CD9: variants seen among roughly 807,000 people sequenced by gnomAD.
CD9 encodes the protein CD9 antigen.
In CD9, 10 loss-of-function variants were observed where a neutral mutation model predicts 31.4. That is an observed-to-expected ratio of 0.32 (90% CI 0.20 to 0.54). The LOEUF is 0.54. Ranked by LOEUF, CD9 falls within the 20% of genes least tolerant of loss-of-function variation. CD9 has a pLI of 0.94. For synonymous variants in CD9, 113 were observed against 114.1 expected, an observed-to-expected ratio of 0.99 and a Z score of 0.06; for missense variants, 259 against 300.1, an observed-to-expected ratio of 0.86 and a Z score of 1.01.
At chr12:6,234,187 T>C (rs1003573734) in intron 4 of CD9, among the ~76,000 whole-genome samples, 1 of 151,760 alleles carries the variant, frequency 6.6e-6, no homozygotes, top group Non-Finnish European at 1.5e-5. Context: ...ATGGCTGAGC[T>C]TGGGCTTACG....
intron 2 of CD9, among the ~76,000 whole-genome samples, chr12:6,229,901 A>C (rs1946422091): frequency 6.6e-6 from 1 of 152,044 alleles, no homozygotes; most frequent in South Asian, 2.1e-4. Flanking sequence ...TAATACCGTA[A>C]TCCTAGAGAA....
At chr12:6,211,408 G>A (rs1946192855) in intron 1 of CD9, among the ~76,000 whole-genome samples, 1 of 152,182 alleles carries the variant, frequency 6.6e-6, no homozygotes, top group South Asian at 2.1e-4. Flanking sequence ...GGGTTTGCAA[G>A]ATCCCATGTT....
intron 1 of CD9, among the ~76,000 whole-genome samples, chr12:6,213,033 C>CT (rs1283317489): frequency 6.6e-6 from 1 of 152,194 alleles, no homozygotes; most frequent in East Asian, 1.9e-4. Flanking sequence ...TTAAGCCTTA[C>CT]TTTCCTTATC....
chr12:6,211,545 G>A (rs1400370672), intron 1 of CD9, among the ~76,000 whole-genome samples: 2 of 152,198 alleles, frequency 1.3e-5, no homozygotes, highest in Non-Finnish European at 2.9e-5. Context: ...TCAGGGCCAC[G>A]CACGCACGTG....
Position 6,200,495 on chromosome 12 carries a change from T to A in CD9, c.-5T>A, listed in dbSNP as rs771118885. On this transcript the variant is annotated 5_prime_UTR_variant, in exon 1 of 8. Transcript: ENST00000009180. ...CGTTCGGCCCAGGCTAAGTTAGCCC[T>A]CACCATGCCGGTCAAAGGAGGCACC... 62 of 1,609,012 alleles carry A rather than the reference T, an allele frequency of 3.9e-5. No homozygotes were observed. The highest frequency in any genetic ancestry group is 4.8e-5 in the Non-Finnish European group (57 of 1,176,216).
intron 2 of CD9, among the ~76,000 whole-genome samples, chr12:6,231,409 C>T (rs911012882): frequency 1.3e-5 from 2 of 152,192 alleles, no homozygotes; most frequent in Non-Finnish European, 2.9e-5. Context: ...CTGGTGCTCT[C>T]GACATGTGAC....
intron 1 of CD9, among the ~76,000 whole-genome samples, chr12:6,211,784 G>A (rs1946196621): frequency 6.6e-6 from 1 of 152,190 alleles, no homozygotes; most frequent in African/African-American, 2.4e-5. Flanking sequence ...TTTATGGGCT[G>A]GCCAGTGTAT....
chr12:6,225,646 C>G (rs956419106), intron 2 of CD9, 112 bp downstream of exon 2: 3 of 671,772 alleles, frequency 4.5e-6, no homozygotes, highest in East Asian at 2.7e-5. Context: ...GACTTTTGCT[C>G]TAGCCACGCT....
intron 1 of CD9, 52 bp from the exon 2 acceptor site, chr12:6,225,374 T>C: frequency 8.3e-7 from 1 of 1,211,618 alleles, no homozygotes; most frequent in East Asian, 2.3e-5. Context: ...GCGTGGGGAC[T>C]GTGTTGTTGC....
At chr12:6,214,923 C>T (rs1334900025) in intron 1 of CD9, among the ~76,000 whole-genome samples, 1 of 152,094 alleles carries the variant, frequency 6.6e-6, no homozygotes, top group Non-Finnish European at 1.5e-5. Context: ...CAACTTGAGC[C>T]CTTTACCATG....
At chr12:6,204,014 C>G (rs1946102321) in intron 1 of CD9, among the ~76,000 whole-genome samples, 1 of 152,120 alleles carries the variant, frequency 6.6e-6, no homozygotes, top group African/African-American at 2.4e-5. Context: ...AACCATATCC[C>G]CTAGACCTAG....
chr12:6,202,895 GC>G (rs779075261), intron 1 of CD9, among the ~76,000 whole-genome samples: 6 of 152,178 alleles, frequency 3.9e-5, no homozygotes, highest in Non-Finnish European at 7.3e-5. Flanking sequence ...AATTCCTGGG[GC>G]CCCTACTTTA....
chr12:6,223,410 C>T (rs1205507257), intron 1 of CD9, among the ~76,000 whole-genome samples: 7 of 152,114 alleles, frequency 4.6e-5, no homozygotes, highest in African/African-American at 1.7e-4. Flanking sequence ...TACAGGCGCC[C>T]GCCACCACGC....
intron 7 of CD9, among the ~76,000 whole-genome samples, chr12:6,237,107 G>C (rs1946532526): frequency 6.6e-6 from 1 of 152,100 alleles, no homozygotes; most frequent in Non-Finnish European, 1.5e-5. Flanking sequence ...AGCCTCCCGA[G>C]TAGCTGGGAC....
At chr12:6,230,730 T>A (rs1946433186) in intron 2 of CD9, among the ~76,000 whole-genome samples, 1 of 152,240 alleles carries the variant, frequency 6.6e-6, no homozygotes, top group South Asian at 2.1e-4. Flanking sequence ...GCCCAGCTTG[T>A]GGCCTCAACA....
chr12:6,210,983 C>CCT (rs1946188133), intron 1 of CD9, among the ~76,000 whole-genome samples: 1 of 151,794 alleles, frequency 6.6e-6, no homozygotes, highest in Non-Finnish European at 1.5e-5. Flanking sequence ...ATTACAGGCA[C>CCT]GCACCACCAT....
intron 7 of CD9, 107 bp from the exon 8 acceptor site, chr12:6,237,656 T>C: frequency 3.9e-6 from 3 of 768,980 alleles, no homozygotes; most frequent in Admixed American, 4.4e-5. Flanking sequence ...CTGGATGCCA[T>C]TCTCCTTGTC....
intron 2 of CD9, among the ~76,000 whole-genome samples, chr12:6,230,438 C>T (rs554099862): frequency 3.9e-5 from 6 of 152,370 alleles, no homozygotes; most frequent in East Asian, 3.9e-4. Flanking sequence ...CTGCCAGGAC[C>T]GCCAGGTTCA....
At chr12:6,220,120 G>A (rs547884729) in intron 1 of CD9, among the ~76,000 whole-genome samples, 18 of 152,262 alleles carry the variant, frequency 1.2e-4, no homozygotes, top group African/African-American at 3.6e-4. Flanking sequence ...GGATGGATGC[G>A]ACACTGGCCT....
Sources: gnomAD v4.1 joint callset for allele counts (sites outside exome capture counted in the v4.1 genomes callset) on GRCh38, gnomAD v4.1.1 for gene constraint, MANE v1.5 for transcripts, NCBI Gene and HGNC (gene_info 2026-07-23, HGNC 2026-07-21) for gene names.